ADAMTSL1: variants seen among roughly 807,000 people sequenced by gnomAD.
ADAMTSL1 encodes the protein ADAMTS like 1, also known as ADAMTS-like protein 1.
In ADAMTSL1, 126 loss-of-function variants were observed where a neutral mutation model predicts 201.8. The ratio of observed to expected loss-of-function variants is 0.62; its 90% confidence interval spans 0.54 to 0.72. The LOEUF is 0.72. Among genes scored for constraint, ADAMTSL1 ranks in the 30% least tolerant of loss-of-function variants. The probability of loss-of-function intolerance (pLI) is 0.00; values close to 1 mark genes in which losing one functional copy is unlikely to be tolerated. For synonymous variants in ADAMTSL1, 1,121 were observed against 903.4 expected (o/e 1.24, Z -4.32); for missense variants, 2,679 against 2,277.8 (o/e 1.18, Z -3.59).
At chr9:18,542,813 A>G (rs1415584729) in intron 3 of ADAMTSL1, among the ~76,000 whole-genome samples, 3 of 152,200 alleles carry the variant, frequency 2.0e-5, no homozygotes, top group African/African-American at 7.2e-5. Flanking sequence ...CTGAAAGACT[A>G]CATTATTTTT....
intron 4 of ADAMTSL1, among the ~76,000 whole-genome samples, chr9:18,619,142 T>G (rs776886461): frequency 1.9e-4 from 29 of 152,024 alleles, no homozygotes; most frequent in Non-Finnish European, 3.8e-4. Flanking sequence ...AGAGGGCCAA[T>G]TAAGCCCATT....
intron 3 of ADAMTSL1, 81 bp downstream of exon 3, chr9:18,533,373 G>A: frequency 6.8e-6 from 8 of 1,178,152 alleles, no homozygotes; most frequent in Non-Finnish European, 9.7e-6. Context: ...TCCTGAGCAG[G>A]AAATCAACCA....
At chr9:17,989,004 T>A (rs186318857) in intron 1 of ADAMTSL1, among the ~76,000 whole-genome samples, 12 of 152,094 alleles carry the variant, frequency 7.9e-5, no homozygotes, top group Admixed American at 7.9e-4. Context: ...TTCACATACT[T>A]CCAAGAACCA....
At chr9:17,941,150 A>G (rs772356369) in intron 1 of ADAMTSL1, among the ~76,000 whole-genome samples, 11 of 152,028 alleles carry the variant, frequency 7.2e-5, no homozygotes, top group Non-Finnish European at 1.5e-4. Flanking sequence ...TTTTGTCTGT[A>G]TTGTAAAAGA....
At chr9:18,027,693 G>A (rs984795055) in intron 1 of ADAMTSL1, among the ~76,000 whole-genome samples, 1 of 151,660 alleles carries the variant, frequency 6.6e-6, no homozygotes, top group Non-Finnish European at 1.5e-5. Flanking sequence ...ATATTCTGTG[G>A]TTGTTGGATG....
At chr9:18,492,488 G>A (rs1822315559) in intron 1 of ADAMTSL1, among the ~76,000 whole-genome samples, 1 of 152,148 alleles carries the variant, frequency 6.6e-6, no homozygotes, top group South Asian at 2.1e-4. Context: ...AAGAAAGAAA[G>A]TCCCAGCAGA....
chr9:18,000,710 T>G (rs1819576790), intron 1 of ADAMTSL1, among the ~76,000 whole-genome samples: 1 of 152,052 alleles, frequency 6.6e-6, no homozygotes, highest in Non-Finnish European at 1.5e-5. Flanking sequence ...TTGGTTATCT[T>G]GAACAAAAAA....
intron 2 of ADAMTSL1, among the ~76,000 whole-genome samples, chr9:18,384,974 C>A (rs562646579): frequency 1.3e-5 from 2 of 152,236 alleles, no homozygotes; most frequent in South Asian, 4.1e-4. Flanking sequence ...ACTTTATCTT[C>A]CAATATTTTG....
chr9:18,527,480 C>A (rs1475367644), intron 2 of ADAMTSL1, among the ~76,000 whole-genome samples: 1 of 152,060 alleles, frequency 6.6e-6, no homozygotes, highest in Non-Finnish European at 1.5e-5. Context: ...CAAATGCATG[C>A]CCCTTTTTAA....
intron 13 of ADAMTSL1, among the ~76,000 whole-genome samples, chr9:18,690,195 C>T (rs182269584): frequency 3.3e-5 from 5 of 150,746 alleles, no homozygotes; most frequent in Middle Eastern, 3.4e-3. Flanking sequence ...ATTCTGTAGT[C>T]ATTAAATGCC....
chr9:18,295,544 T>C (rs1833444342), intron 2 of ADAMTSL1, among the ~76,000 whole-genome samples: 1 of 152,118 alleles, frequency 6.6e-6, no homozygotes, highest in South Asian at 2.1e-4. Flanking sequence ...TTCACCATTT[T>C]GGCCAGGATG....
At chr9:18,111,402 C>T (rs1396875436) in intron 1 of ADAMTSL1, among the ~76,000 whole-genome samples, 1 of 152,080 alleles carries the variant, frequency 6.6e-6, no homozygotes, top group African/African-American at 2.4e-5. Flanking sequence ...TATCCATGTG[C>T]TTCTCATTTA....
intron 1 of ADAMTSL1, among the ~76,000 whole-genome samples, chr9:18,028,831 A>C (rs989941638): frequency 6.6e-6 from 1 of 152,156 alleles, no homozygotes; most frequent in Non-Finnish European, 1.5e-5. Flanking sequence ...GATGGCACTG[A>C]ATCTATAAAT....
intron 23 of ADAMTSL1, among the ~76,000 whole-genome samples, chr9:18,838,893 A>G (rs991981447): frequency 6.6e-6 from 1 of 151,732 alleles, no homozygotes; most frequent in Non-Finnish European, 1.5e-5. Context: ...AAAAAAAAAA[A>G]AAACCTAAAA....
chr9:18,905,922 A>G (rs1830283386), intron 27 of ADAMTSL1, 31 bp downstream of exon 27: 3 of 1,543,272 alleles, frequency 1.9e-6, no homozygotes, highest in East Asian at 4.6e-5. Flanking sequence ...TCCTTTTCCC[A>G]GCCCCATGTC....
Position 18,099,350 on chromosome 9 carries a change from TATA to T in ADAMTSL1, c.88-64511_88-64509del, listed in dbSNP as rs1401822991. 6.0e-3 allele frequency among the ~76,000 whole-genome samples: 295 copies of T among 48,868 alleles called. 3 individuals are homozygous for T. Among genetic ancestry groups the T allele is most frequent in the South Asian group, 0.022 (32 of 1,432 alleles). The allele number at this position is 48,868 out of a possible 152,430, so 32.1% of individuals were successfully genotyped here. ...AAATATATATATATATATATATATA[TATA>T]TATTTTTTTTTTTTTTTTTAACATC... On this transcript the variant is annotated intron_variant, in intron 1 of 29. Coordinates refer to the ADAMTSL1 transcript ENST00000680146.
intron 19 of ADAMTSL1, among the ~76,000 whole-genome samples, chr9:18,779,890 C>A (rs1821285427): frequency 6.6e-6 from 1 of 152,146 alleles, no homozygotes; most frequent in Non-Finnish European, 1.5e-5. Context: ...TATTTCTATC[C>A]CCTGGGCCTA....
At chr9:18,874,281 T>C (rs994814432) in intron 23 of ADAMTSL1, among the ~76,000 whole-genome samples, 1 of 152,130 alleles carries the variant, frequency 6.6e-6, no homozygotes, top group Non-Finnish European at 1.5e-5. Flanking sequence ...GGATGCGCTT[T>C]CTTTCTTTTC....
intron 23 of ADAMTSL1, among the ~76,000 whole-genome samples, chr9:18,853,590 G>C (rs1826642766): frequency 6.6e-6 from 1 of 152,158 alleles, no homozygotes; most frequent in African/African-American, 2.4e-5. Flanking sequence ...CCTTGTGGTG[G>C]TCTTTCATTA....
Sources: gnomAD v4.1 joint callset for allele counts (sites outside exome capture counted in the v4.1 genomes callset) on GRCh38, gnomAD v4.1.1 for gene constraint, MANE v1.5 for transcripts, NCBI Gene and HGNC (gene_info 2026-07-23, HGNC 2026-07-21) for gene names.